CLCN1: variants seen among roughly 807,000 people sequenced by gnomAD.
CLCN1 encodes chloride voltage-gated channel 1.
A neutral mutation model predicts 114.5 loss-of-function variants in CLCN1; 100 were observed. The observed-to-expected ratio is 0.87, with a 90% confidence interval of 0.74 to 1.03. CLCN1 has a LOEUF of 1.03. CLCN1 is among the 50% of genes least tolerant of loss of function. The pLI is 0.00. For missense variants in CLCN1, 1,188 were observed against 1,250.0 expected (o/e 0.95, Z 0.75); for synonymous variants, 485 against 487.1 (o/e 1.00, Z 0.06).
At chr7:143,323,285 G>T (rs777983935) in intron 5 of CLCN1, 24 bp from the exon 6 acceptor site, 2 of 1,370,518 alleles carry the variant, frequency 1.5e-6, no homozygotes, top group South Asian at 1.2e-5. Flanking sequence ...TCTGACCCCC[G>T]CCCCCTCGCT....
chr7:143,333,708 T>A (rs927068926), intron 12 of CLCN1, among the ~76,000 whole-genome samples: 7 of 152,218 alleles, frequency 4.6e-5, no homozygotes, highest in Non-Finnish European at 1.0e-4. Context: ...TTATACATGT[T>A]ATTATTCTCT....
chr7:143,323,777 C>T (rs541433824), intron 6 of CLCN1: 161 of 480,242 alleles, frequency 3.4e-4, no homozygotes, highest in Non-Finnish European at 4.8e-4. Flanking sequence ...CCCGCCTGCC[C>T]CACCCCTCCA....
chr7:143,316,284 T>C lies in CLCN1; in HGVS notation c.72T>C (p.Tyr24=). Reference sequence around the variant, plus strand: ...GGGGTAGTGACCCCCAGTACCAGTATATGCCCTTTGAACACTGCACCAGCT... The same window carrying C: ...GGGGTAGTGACCCCCAGTACCAGTACATGCCCTTTGAACACTGCACCAGCT... ...SWWGSDPQYQ[Y]MPFEHCTSYG... The change falls in exon 1 of 23, where the codon TAT becomes TAC. Residue 24 remains tyrosine (Y), a synonymous_variant. Transcript: ENST00000343257. 1 of 1,613,686 alleles carries C rather than the reference T, an allele frequency of 6.2e-7. No homozygotes were observed. Among genetic ancestry groups the C allele is most frequent in the Non-Finnish European group, 8.5e-7 (1 of 1,179,790 alleles).
chr7:143,320,861 T>A, intron 3 of CLCN1, 66 bp downstream of exon 3: 2 of 1,593,470 alleles, frequency 1.3e-6, no homozygotes, highest in Non-Finnish European at 1.7e-6. Context: ...AAGCAGGGTG[T>A]GTTATCGGAA....
intron 12 of CLCN1, among the ~76,000 whole-genome samples, chr7:143,337,364 A>C (rs1052951249): frequency 3.9e-5 from 6 of 152,128 alleles, no homozygotes; most frequent in Non-Finnish European, 7.3e-5. Flanking sequence ...CATTTTGCCC[A>C]TTCATTTTTA....
At chr7:143,319,923 G>A (rs758464275) in intron 2 of CLCN1, 48 bp downstream of exon 2, 2 of 1,604,726 alleles carry the variant, frequency 1.2e-6, no homozygotes, top group East Asian at 2.2e-5. Context: ...AACAGGTACA[G>A]GGATTAGGAG....
chr7:143,329,738 A>G (rs879449280), intron 7 of CLCN1, among the ~76,000 whole-genome samples: 16 of 152,164 alleles, frequency 1.1e-4, no homozygotes, highest in Non-Finnish European at 1.9e-4. Context: ...CATTCATCCA[A>G]TTATGTGCGT....
At chr7:143,344,751 G>GGT (rs11395401) in intron 16 of CLCN1, among the ~76,000 whole-genome samples, 10 of 131,314 alleles carry the variant, frequency 7.6e-5, no homozygotes, top group African/African-American at 2.9e-4. Context: ...TCCTAGCAGG[G>GGT]TTTTTTTTTT....
At chr7:143,346,486 G>A in intron 18 of CLCN1, 93 bp from the exon 19 acceptor site, 1 of 944,508 alleles carries the variant, frequency 1.1e-6, no homozygotes, top group South Asian at 1.3e-5. Context: ...GGGAAGTGCA[G>A]CTCTTTGGAG....
intron 10 of CLCN1, among the ~76,000 whole-genome samples, chr7:143,332,035 C>T (rs1190207310): frequency 6.6e-6 from 1 of 152,096 alleles, no homozygotes; most frequent in South Asian, 2.1e-4. Flanking sequence ...CACCATGTTG[C>T]CCAGGCTGGT....
rs1803431168 is a variant in CLCN1, at chr7:143,352,077, T to C, written c.*112T>C. ...GCGAGGTCATGCCAATGTCGTGGCC[T>C]CTTCCAGGAATTTTTTAATGTGATA... On this transcript the variant is annotated 3_prime_UTR_variant, in exon 23 of 23. Coordinates refer to ENST00000343257, the MANE Select transcript of CLCN1 (RefSeq NM_000083.3). 1 of 1,361,816 alleles carries C rather than the reference T, an allele frequency of 7.3e-7. No individual in the cohort carries two copies. Among genetic ancestry groups the C allele is most frequent in the Non-Finnish European group, 1.0e-6 (1 of 960,320 alleles). The allele number at this position is 1,361,816 out of a possible 1,614,324, so 84.4% of individuals were successfully genotyped here. A position where few individuals can be genotyped will look rare whatever the true frequency, so the allele number is the denominator to read the frequency against.
chr7:143,321,432 C>G lies in CLCN1; in HGVS notation c.501C>G (p.Phe167Leu), dbSNP rs149729531. Residue 167 changes from phenylalanine to leucine, a missense_variant, in exon 4 of 23, where the codon TTC becomes TTG. By Grantham distance (22) the Phe-to-Leu change is conservative. Transcript: ENST00000343257. The surrounding 1 kb of genome is among the most constrained non-coding windows in gnomAD (Gnocchi z 4.2). Reference sequence around the variant, plus strand: ...TGCAGTTCCTGGTCTGGGTCACCTTCCCACTAGTCCTCATCCTCTTCAGCG... The same window carrying G: ...TGCAGTTCCTGGTCTGGGTCACCTTGCCACTAGTCCTCATCCTCTTCAGCG... ...LPLQFLVWVT[F>L]PLVLILFSAL... 8.6e-4 allele frequency: 1,383 copies of G among 1,614,204 alleles called. 5 individuals are homozygous for G. Among genetic ancestry groups the G allele is most frequent in the Middle Eastern group, 5.4e-3 (33 of 6,062 alleles).
Position 143,317,579 on chromosome 7 carries a change from C to CTTT in CLCN1, c.180+1199_180+1201dup, listed in dbSNP as rs201421922. Among the ~76,000 whole-genome samples, 362 of 142,444 alleles carry CTTT rather than the reference C, an allele frequency of 2.5e-3. 1 individual carries two copies. Among genetic ancestry groups the CTTT allele is most frequent in the Non-Finnish European group, 4.3e-3 (279 of 64,972 alleles). 93.4% of individuals were successfully genotyped at this position (142,444 alleles called of 152,430 possible). ...GAACTTAAAAGGCTTTTTTTTCTTT[C>CTTT]TTTTTTTTTTTTTTAACAGGGAGCC... On this transcript the variant is annotated intron_variant, in intron 1 of 22. Coordinates refer to ENST00000343257, the MANE Select transcript of CLCN1 (RefSeq NM_000083.3).
chr7:143,342,432 T>C lies in CLCN1; in HGVS notation c.1857T>C (p.Ser619=), dbSNP rs1416670894. The C allele has an allele frequency of 6.2e-7, 1 of 1,613,994 alleles. No homozygotes were observed. Among genetic ancestry groups the C allele is most frequent in the Non-Finnish European group, 8.5e-7 (1 of 1,180,006 alleles). The change falls in exon 16 of 23, where the codon TCT becomes TCC. Residue 619 remains serine, a synonymous_variant. Transcript: ENST00000343257. Reference sequence around the variant, plus strand: ...GTGATGTGAAGTTTGTTTCAGCTTCTTACACATATGGGGAGTTGCGAACCC... The same window carrying C: ...GTGATGTGAAGTTTGTTTCAGCTTCCTACACATATGGGGAGTTGCGAACCC... ...MVRDVKFVSA[S]YTYGELRTLL...
At chr7:143,345,882 G>T (rs1261548518) in intron 17 of CLCN1, 120 bp downstream of exon 17, 5 of 1,404,898 alleles carry the variant, frequency 3.6e-6, no homozygotes, top group Non-Finnish European at 3.9e-6. Flanking sequence ...AGTGGGAAGA[G>T]GGAGGGGAGA....
chr7:143,345,733 G>A lies in CLCN1; in HGVS notation c.2143G>A (p.Glu715Lys). The A allele has an allele frequency of 1.9e-6, 3 of 1,593,628 alleles. No homozygotes were observed. The highest frequency in any genetic ancestry group is 2.6e-6 in the Non-Finnish European group (3 of 1,170,936). ...GTCCTTCGCCTTTGTGGATGAGGAT[G>A]AGGACGAAGACCTCTCTGGCAAGAG... ...PESFAFVDEDEDEDLSGKSEL... is the reference protein window; with the variant it reads ...PESFAFVDEDKDEDLSGKSEL... The change falls in exon 17 of 23, where the codon GAG becomes AAG. Residue 715 changes from glutamate (E) to lysine (K), a missense_variant. Glu to Lys is a moderately conservative substitution (Grantham distance 56). Coordinates refer to ENST00000343257, the MANE Select transcript of CLCN1 (RefSeq NM_000083.3).
intron 7 of CLCN1, among the ~76,000 whole-genome samples, chr7:143,329,220 C>G (rs895019553): frequency 2.0e-5 from 3 of 152,210 alleles, no homozygotes; most frequent in African/African-American, 7.2e-5. Context: ...CCTGCCTCGG[C>G]CTCCCAAAGT....
Position 143,345,625 on chromosome 7 carries a change from C to A in CLCN1, c.2035C>A (p.Arg679=), listed in dbSNP as rs1483557433. 3 of 1,560,956 alleles carry A rather than the reference C, an allele frequency of 1.9e-6. No homozygotes were observed. In the African/African-American group the frequency reaches 4.1e-5, roughly 21 times the overall value. ...GCTGCGCGCAGCCCAAGAGATGGCG[C>A]GGAAGTTGTCGGAGCTGCCTTACGA... ...RRLRAAQEMA[R]KLSELPYDGK... Residue 679 remains arginine, a synonymous_variant, in exon 17 of 23, where the codon CGG becomes AGG. Transcript: ENST00000343257.
intron 12 of CLCN1, among the ~76,000 whole-genome samples, chr7:143,336,901 G>A (rs555099708): frequency 6.6e-6 from 1 of 152,252 alleles, no homozygotes; most frequent in South Asian, 2.1e-4. Context: ...CCTGTTATAT[G>A]AATTGCTAGA....
Sources: allele counts gnomAD v4.1 joint callset (sites outside exome capture counted in the v4.1 genomes callset), GRCh38; gene constraint gnomAD v4.1.1; non-coding constraint Gnocchi (gnomAD v3.1); transcripts MANE v1.5; gene names NCBI Gene and HGNC (gene_info 2026-07-23, HGNC 2026-07-21).